The following ZPLD1 variants were observed in gnomAD, a reference collection of about 807,000 sequenced individuals.
ZPLD1 encodes the protein zona pellucida-like domain-containing protein 1.
In ZPLD1, 34 loss-of-function variants were observed where a neutral mutation model predicts 47.2. That is an observed-to-expected ratio of 0.72 (90% CI 0.55 to 0.96). ZPLD1 has a LOEUF of 0.96. Ranked by LOEUF, ZPLD1 falls within the 40% of genes least tolerant of loss-of-function variation. The pLI, the probability that ZPLD1 is intolerant of heterozygous loss-of-function variation, is 0.00. For missense variants in ZPLD1, 512 were observed against 505.8 expected, an observed-to-expected ratio of 1.01 and a Z score of -0.12; for synonymous variants, 176 against 186.2, an observed-to-expected ratio of 0.95 and a Z score of 0.45.
chr3:102,430,932 GAGGA>G (rs1484046356), upstream of ZPLD1, among the ~76,000 whole-genome samples: 1 of 152,116 alleles, frequency 6.6e-6, no homozygotes, highest in Non-Finnish European at 1.5e-5. Flanking sequence ...TTCATGAAAG[GAGGA>G]AGGAAGTCAA....
At chr3:102,441,133 G>A (rs1576149277) in intron 3 of ZPLD1, among the ~76,000 whole-genome samples, 2 of 152,160 alleles carry the variant, frequency 1.3e-5, no homozygotes, top group East Asian at 3.9e-4. Context: ...TGTTATGGAT[G>A]GATAAGAAGG....
At chr3:102,435,735 T>C (rs1707080368) in intron 1 of ZPLD1, among the ~76,000 whole-genome samples, 1 of 150,668 alleles carries the variant, frequency 6.6e-6, no homozygotes, top group Non-Finnish European at 1.5e-5. Context: ...CTCCGCCTCC[T>C]GGGTTCACCC....
intron 6 of ZPLD1, among the ~76,000 whole-genome samples, chr3:102,389,000 C>G (rs1706466395): frequency 2.0e-5 from 3 of 152,134 alleles, no homozygotes; most frequent in Admixed American, 2.0e-4. Context: ...AGTTGTATAA[C>G]TTCAGTTTAA....
chr3:102,452,952 A>G lies in ZPLD1; in HGVS notation c.140A>G (p.Gln47Arg), dbSNP rs746432230. ...GACATCAGTGTCTATTGTGGAGTGC[A>G]GGCTATTACGATGAAGATTAATTTT... ...ERDISVYCGV[Q>R]AITMKINFCT... Residue 47 changes from glutamine to arginine, a missense_variant, in exon 4 of 12, where the codon CAG (glutamine) becomes CGG (arginine). By Grantham distance (43) the Gln-to-Arg change is conservative (BLOSUM62 1). Transcript: ENST00000466937. 1.2e-6 allele frequency: 2 copies of G among 1,614,056 alleles called. No homozygotes were observed. The highest frequency in any genetic ancestry group is 1.1e-5 in the South Asian group (1 of 91,072).
intron 7 of ZPLD1, among the ~76,000 whole-genome samples, chr3:102,398,353 T>A (rs1057194179): frequency 3.4e-4 from 51 of 152,218 alleles, no homozygotes; most frequent in African/African-American, 1.2e-3. Context: ...CGTACTTAGA[T>A]CAGGAAGTGT....
intron 8 of ZPLD1, among the ~76,000 whole-genome samples, chr3:102,419,649 G>A (rs76860852): frequency 0.024 from 3,257 of 138,258 alleles, 63 homozygotes; most frequent in Non-Finnish European, 0.038. Flanking sequence ...TTTTTTTTTT[G>A]CAAGGAATCT....
intron 7 of ZPLD1, among the ~76,000 whole-genome samples, chr3:102,462,861 A>T (rs771468039): frequency 2.0e-5 from 3 of 152,162 alleles, no homozygotes; most frequent in Non-Finnish European, 4.4e-5. Context: ...ACTTAAGAAA[A>T]TTCAGAGCAA....
chr3:102,441,723 G>A (rs1707180454), intron 3 of ZPLD1, among the ~76,000 whole-genome samples: 2 of 152,000 alleles, frequency 1.3e-5, no homozygotes, highest in Admixed American at 1.3e-4. Flanking sequence ...CTTATATATA[G>A]CCAAGCAGAG....
intron 2 of ZPLD1, among the ~76,000 whole-genome samples, chr3:102,437,800 A>G (rs577691383): frequency 3.7e-4 from 57 of 152,248 alleles, no homozygotes; most frequent in Non-Finnish European, 6.5e-4. Context: ...ACGTTTTCTT[A>G]TGTCTGTATC....
chr3:102,458,168 CAGTT>C (rs1454327174), intron 6 of ZPLD1, among the ~76,000 whole-genome samples: 5 of 152,148 alleles, frequency 3.3e-5, no homozygotes, highest in African/African-American at 1.2e-4. Context: ...TGAGTAGCTA[CAGTT>C]AGCTTCAAGA....
upstream of ZPLD1, among the ~76,000 whole-genome samples, chr3:102,434,546 A>G (rs1707057576): frequency 6.6e-6 from 1 of 152,202 alleles, no homozygotes; most frequent in Admixed American, 6.5e-5. Context: ...TTAAAATTCA[A>G]CATTTTACTT....
rs569460151 is a variant in ZPLD1 at position 102,402,524 on chromosome 3, A to G, written c.-157+10299A>G. Among the ~76,000 whole-genome samples, 17 of 152,152 alleles carry G rather than the reference A, an allele frequency of 1.1e-4. No individual in the cohort carries two copies. The South Asian group carries it at 3.5e-3, about 32-fold the overall frequency. On this transcript the variant is annotated intron_variant, in intron 7 of 17. Coordinates refer to the ZPLD1 transcript ENST00000491959. ...TCAGAAATACAGTAGTAGAATTAAT[A>G]AAGGCTAAGTCGGTAGTGAGAGGAC...
chr3:102,435,231 G>A (rs80291353), intron 1 of ZPLD1, 77 bp downstream of exon 1: 1 of 1,529,506 alleles, frequency 6.5e-7, no homozygotes, highest in Non-Finnish European at 9.1e-7. Context: ...TATAAAGAAG[G>A]CTTGAAAATG....
At chr3:102,459,607 A>T (rs1559758630) in intron 6 of ZPLD1, among the ~76,000 whole-genome samples, 1 of 152,194 alleles carries the variant, frequency 6.6e-6, no homozygotes, top group South Asian at 2.1e-4. Flanking sequence ...GATAACCTTA[A>T]TATTTTAATT....
intron 4 of ZPLD1, among the ~76,000 whole-genome samples, chr3:102,453,442 C>A (rs1707369958): frequency 6.6e-6 from 1 of 152,182 alleles, no homozygotes; most frequent in Non-Finnish European, 1.5e-5. Context: ...AGCCATATTC[C>A]TCAGGCTTTA....
chr3:102,400,631 T>C lies in ZPLD1; in HGVS notation c.-157+8406T>C, dbSNP rs767264004. Among the ~76,000 whole-genome samples, 123 of 152,114 alleles carry C rather than the reference T, an allele frequency of 8.1e-4. 2 individuals are homozygous for C. The highest frequency in any genetic ancestry group is 1.2e-4 in the Non-Finnish European group (8 of 67,998). Reference sequence around the variant, plus strand: ...CACACTTACTGACTGCACTATTTACTTGGTCCTTGAAATATACTGTACTTT... The same window carrying C: ...CACACTTACTGACTGCACTATTTACCTGGTCCTTGAAATATACTGTACTTT... On this transcript the variant is annotated intron_variant, in intron 7 of 17. Transcript: ENST00000491959.
At chr3:102,431,235 G>A (rs1446707470), upstream of ZPLD1, among the ~76,000 whole-genome samples, 1 of 152,146 alleles carries the variant, frequency 6.6e-6, no homozygotes, top group Non-Finnish European at 1.5e-5. Context: ...AATTGGAGTA[G>A]GTTTTTCTCT....
chr3:102,398,716 C>T (rs1489588897), intron 7 of ZPLD1, among the ~76,000 whole-genome samples: 1 of 152,066 alleles, frequency 6.6e-6, no homozygotes, highest in Non-Finnish European at 1.5e-5. Context: ...CTTCACACCA[C>T]CATGAGCATA....
chr3:102,443,297 A>C (rs1199169510), intron 3 of ZPLD1, among the ~76,000 whole-genome samples: 1 of 152,170 alleles, frequency 6.6e-6, no homozygotes, highest in Non-Finnish European at 1.5e-5. Flanking sequence ...AACAAGCAAT[A>C]AGTTCCATGT....
Sources: allele counts gnomAD v4.1 joint callset (sites outside exome capture counted in the v4.1 genomes callset), GRCh38; gene constraint gnomAD v4.1.1; transcripts MANE v1.5; gene names NCBI Gene and HGNC (gene_info 2026-07-23, HGNC 2026-07-21).